The following NLGN4X variants were observed in gnomAD, a reference collection of about 807,000 sequenced individuals.
NLGN4X encodes neuroligin-4, X-linked.
NLGN4X carries 3 observed loss-of-function variants against 40.3 expected under a neutral mutation model. The observed-to-expected ratio is 0.07, with a 90% confidence interval of 0.03 to 0.19. NLGN4X has a LOEUF of 0.19. NLGN4X is among the 10% of genes least tolerant of loss of function. The probability of loss-of-function intolerance (pLI) is 1.00; values close to 1 mark genes in which losing one functional copy is unlikely to be tolerated. For missense variants in NLGN4X, 382 were observed against 708.3 expected, an observed-to-expected ratio of 0.54 and a Z score of 5.23; for synonymous variants, 270 against 306.8, an observed-to-expected ratio of 0.88 and a Z score of 1.25.
chrX:6,225,433 C>A (rs1460118130), intron 1 of NLGN4X, among the ~76,000 whole-genome samples: 1 of 109,651 alleles, frequency 9.1e-6, no homozygotes, highest in South Asian at 4.0e-4. Flanking sequence ...GCTCTGCCAT[C>A]CCCTAGGAAA....
chrX:5,903,697 G>C lies in NLGN4X; in HGVS notation c.981C>G (p.Ile327Met). The C allele has an allele frequency of 8.3e-7, 1 of 1,211,966 alleles. No homozygotes were observed. Among genetic ancestry groups the C allele is most frequent in the Non-Finnish European group, 1.1e-6 (1 of 895,597 alleles). Reference protein sequence around the residue: ...CLRNKNYKELIQQTITPATYH... With the variant: ...CLRNKNYKELMQQTITPATYH... ...AGGTGGCCGGGGTGATGGTCTGCTG[G>C]ATGAGCTCCTTGTAGTTCTTGTTCC... The change falls in exon 5 of 6, where the codon ATC becomes ATG. Residue 327 changes from isoleucine to methionine, a missense_variant. This residue lies in a region of NLGN4X where 29 missense variants were observed against 32.1 expected (regional missense o/e 0.90). Transcript: ENST00000381095.
At chrX:5,945,066 GA>G (rs1185025536) in intron 3 of NLGN4X, among the ~76,000 whole-genome samples, 1 of 112,139 alleles carries the variant, frequency 8.9e-6, no homozygotes. Flanking sequence ...TAACAATTAA[GA>G]AAAGTATACC....
chrX:6,130,033 G>C (rs1464430511), intron 2 of NLGN4X, among the ~76,000 whole-genome samples: 7 of 109,544 alleles, frequency 6.4e-5, no homozygotes, highest in Non-Finnish European at 1.3e-4. Context: ...CTACAGGTAC[G>C]TGCCATCACA....
At chrX:6,153,291 A>C (rs765648011) in intron 1 of NLGN4X, among the ~76,000 whole-genome samples, 2 of 111,434 alleles carry the variant, frequency 1.8e-5, no homozygotes, top group African/African-American at 3.3e-5. Flanking sequence ...AGTACATGAC[A>C]TCCTGGGAAA....
intron 3 of NLGN4X, among the ~76,000 whole-genome samples, chrX:5,998,288 T>C (rs991814123): frequency 3.7e-5 from 4 of 108,390 alleles, no homozygotes; most frequent in Non-Finnish European, 5.7e-5. Flanking sequence ...CAGGCTCCTG[T>C]AATCCCAGCT....
chrX:6,200,655 G>A (rs753068812), intron 1 of NLGN4X, among the ~76,000 whole-genome samples: 2 of 95,910 alleles, frequency 2.1e-5, no homozygotes, highest in South Asian at 4.7e-4. Flanking sequence ...GTTTTAAAGT[G>A]CTTTATATGC....
intron 2 of NLGN4X, among the ~76,000 whole-genome samples, chrX:6,031,041 C>A (rs1428968197): frequency 4.5e-5 from 5 of 112,027 alleles, no homozygotes; most frequent in African/African-American, 1.6e-4. Context: ...GAACAAGACT[C>A]TCTTGAACTT....
intron 3 of NLGN4X, among the ~76,000 whole-genome samples, chrX:5,973,120 C>A (rs1002802080): frequency 1.8e-5 from 2 of 112,355 alleles, no homozygotes; most frequent in African/African-American, 6.5e-5. Context: ...AGATGAACAG[C>A]CTAACTCATA....
intron 2 of NLGN4X, among the ~76,000 whole-genome samples, chrX:6,077,096 T>A (rs1452791616): frequency 8.9e-6 from 1 of 112,238 alleles, no homozygotes; most frequent in African/African-American, 3.2e-5. Flanking sequence ...AAAAGTGATA[T>A]ACCACCTGCT....
intron 2 of NLGN4X, among the ~76,000 whole-genome samples, chrX:6,033,031 T>A (rs746732883): frequency 0.017 from 366 of 21,591 alleles, no homozygotes; most frequent in Non-Finnish European, 0.028. Flanking sequence ...GTTAAAATGA[T>A]GCTACTGCAA....
intron 5 of NLGN4X, among the ~76,000 whole-genome samples, chrX:5,900,380 CA>C (rs1192609501): frequency 9.1e-6 from 1 of 109,555 alleles, no homozygotes; most frequent in Non-Finnish European, 1.9e-5. Context: ...GGTGCACCTG[CA>C]AGGTAGGAAT....
At chrX:6,058,679 T>C (rs1188407272) in intron 2 of NLGN4X, among the ~76,000 whole-genome samples, 2 of 112,183 alleles carry the variant, frequency 1.8e-5, no homozygotes, top group East Asian at 5.6e-4. Flanking sequence ...CTTGGTACAT[T>C]AGAGTTTTCC....
At chrX:6,170,345 T>C (rs1046391529) in intron 1 of NLGN4X, among the ~76,000 whole-genome samples, 12 of 112,125 alleles carry the variant, frequency 1.1e-4, no homozygotes, top group African/African-American at 2.6e-4. Context: ...CTAAGGAGAA[T>C]TGAAAAATTT....
chrX:6,063,357 C>CA (rs1569215842), intron 2 of NLGN4X, among the ~76,000 whole-genome samples: 1 of 111,964 alleles, frequency 8.9e-6, no homozygotes, highest in Non-Finnish European at 1.9e-5. Flanking sequence ...ATGGTGGCAA[C>CA]ACCTGTAGTC....
intron 5 of NLGN4X, among the ~76,000 whole-genome samples, chrX:5,899,218 G>C (rs2031702923): frequency 8.9e-6 from 1 of 112,381 alleles, no homozygotes; most frequent in African/African-American, 3.2e-5. Context: ...AATACACTCA[G>C]TGTTATTTCA....
intron 2 of NLGN4X, among the ~76,000 whole-genome samples, chrX:6,092,947 G>A (rs1020860783): frequency 1.8e-5 from 2 of 110,786 alleles, no homozygotes; most frequent in African/African-American, 6.5e-5. Flanking sequence ...GAGAAAACAG[G>A]AAGAATGGAG....
intron 3 of NLGN4X, among the ~76,000 whole-genome samples, chrX:5,937,663 G>A (rs760614817): frequency 9.0e-6 from 1 of 111,283 alleles, no homozygotes; most frequent in African/African-American, 3.3e-5. Flanking sequence ...TTTTGCTTAC[G>A]GCTGCCTCCA....
chrX:6,069,945 C>G (rs1445929810), intron 2 of NLGN4X, among the ~76,000 whole-genome samples: 1 of 111,833 alleles, frequency 8.9e-6, no homozygotes, highest in Non-Finnish European at 1.9e-5. Flanking sequence ...ACAGATCACA[C>G]ACATACACCC....
At chrX:6,140,562 A>G (rs1244891878) in intron 2 of NLGN4X, among the ~76,000 whole-genome samples, 1 of 109,790 alleles carries the variant, frequency 9.1e-6, no homozygotes, top group Non-Finnish European at 1.9e-5. Flanking sequence ...CGTAAAGTCT[A>G]ACAAGGAAAT....
Sources: allele counts gnomAD v4.1 joint callset (sites outside exome capture counted in the v4.1 genomes callset), GRCh38; gene constraint gnomAD v4.1.1; regional missense constraint gnomAD v4.1.1; transcripts MANE v1.5; gene names NCBI Gene and HGNC (gene_info 2026-07-23, HGNC 2026-07-21).